Variants in ATP6V1H observed in about 807,000 individuals in gnomAD.
ATP6V1H encodes the protein V-type proton ATPase subunit H.
Under a neutral mutation model 71.7 loss-of-function variants are expected in ATP6V1H, and 39 were observed. The observed-to-expected ratio is 0.54, with a 90% CI of 0.42 to 0.71. ATP6V1H has a LOEUF of 0.71. Ranked by LOEUF, ATP6V1H falls within the 30% of genes least tolerant of loss-of-function variation. The pLI, the probability that ATP6V1H is intolerant of heterozygous loss-of-function variation, is 0.00. For synonymous variants in ATP6V1H, 192 were observed against 199.3 expected (o/e 0.96, Z 0.31); for missense variants, 509 against 594.9 (o/e 0.86, Z 1.50).
At chr8:53,787,333 A>AT (rs1388730209) in intron 9 of ATP6V1H, among the ~76,000 whole-genome samples, 1 of 152,240 alleles carries the variant, frequency 6.6e-6, no homozygotes, top group Non-Finnish European at 1.5e-5. Context: ...CTTCATGGCA[A>AT]TATTTCCATG....
chr8:53,786,877 A>C (rs949232559), intron 9 of ATP6V1H, among the ~76,000 whole-genome samples: 1 of 152,248 alleles, frequency 6.6e-6, no homozygotes, highest in Non-Finnish European at 1.5e-5. Flanking sequence ...TGTAAAATAT[A>C]TGTGAAAGCA....
chr8:53,782,153 T>C (rs967306385), intron 9 of ATP6V1H, among the ~76,000 whole-genome samples: 6 of 152,200 alleles, frequency 3.9e-5, no homozygotes, highest in African/African-American at 7.2e-5. Flanking sequence ...TTTCACGATA[T>C]TGATTCTTCC....
rs1552147 is a variant in ATP6V1H, at chr8:53,761,558, T to C, written c.1176-4902A>G. Among the ~76,000 whole-genome samples, 791 of 152,298 alleles carry C rather than the reference T, an allele frequency of 5.2e-3. 22 individuals are homozygous for C. Among genetic ancestry groups the C allele is most frequent in the Admixed American group, 0.044 (666 of 15,302 alleles). On this transcript the variant is annotated intron_variant, in intron 11 of 13. Coordinates refer to ENST00000359530, the MANE Select transcript of ATP6V1H (RefSeq NM_015941.4). ...ACTTGTAAAACGTTCCCCTCCACTA[T>C]ATTCAAGTTTTCTAAACACTAGATT... is the stretch of plus-strand genomic sequence containing the variant.
chr8:53,815,218 T>C (rs1644192486), intron 5 of ATP6V1H, among the ~76,000 whole-genome samples: 1 of 152,184 alleles, frequency 6.6e-6, no homozygotes, highest in Non-Finnish European at 1.5e-5. Context: ...CTTAGGATAA[T>C]ATACATCCTA....
intron 12 of ATP6V1H, among the ~76,000 whole-genome samples, chr8:53,756,036 C>T (rs113140763): frequency 0.14 from 19,620 of 139,628 alleles, 2,272 homozygotes; most frequent in East Asian, 0.36. Context: ...GGATTACAGG[C>T]GTGATATATT....
rs141766840 is a variant in ATP6V1H at position 53,725,004 on chromosome 8, A to C, written c.1392-8980T>G. ...AATAAATCTAGACATATGACAATAG[A>C]ACTAATATTTTTTCCCAAATATTGG... On this transcript the variant is annotated intron_variant, in intron 13 of 13. Transcript: ENST00000359530. Among the ~76,000 whole-genome samples, 3 of 152,300 alleles carry C rather than the reference A, an allele frequency of 2.0e-5. No homozygotes were observed. In the East Asian group the frequency reaches 5.8e-4, roughly 29 times the overall value.
chr8:53,795,601 A>G, intron 9 of ATP6V1H, 46 bp downstream of exon 9: 1 of 1,563,904 alleles, frequency 6.4e-7, no homozygotes. Context: ...TATACTGCAC[A>G]GTGAAAAATG....
At chr8:53,802,429 A>G (rs1238338266) in intron 7 of ATP6V1H, among the ~76,000 whole-genome samples, 1 of 152,200 alleles carries the variant, frequency 6.6e-6, no homozygotes, top group Admixed American at 6.5e-5. Flanking sequence ...TTTAAGAAAA[A>G]TAATTTAGGC....
chr8:53,719,925 T>C (rs908234718), intron 13 of ATP6V1H, among the ~76,000 whole-genome samples: 4 of 152,138 alleles, frequency 2.6e-5, no homozygotes, highest in Admixed American at 1.3e-4. Flanking sequence ...CAAGTGGGTG[T>C]GAAAAATTTC....
At chr8:53,833,849 T>A (rs902461825) in intron 2 of ATP6V1H, among the ~76,000 whole-genome samples, 1 of 152,132 alleles carries the variant, frequency 6.6e-6, no homozygotes, top group Non-Finnish European at 1.5e-5. Flanking sequence ...GTTCCTGTCA[T>A]CTTCCCTGTC....
At chr8:53,771,966 G>A (rs763118321) in intron 10 of ATP6V1H, 23 bp downstream of exon 10, 7 of 1,596,832 alleles carry the variant, frequency 4.4e-6, no homozygotes, top group Non-Finnish European at 5.1e-6. Context: ...TCCAGCACAT[G>A]AGAATTAAAA....
At chr8:53,802,362 T>C (rs898939901) in intron 7 of ATP6V1H, among the ~76,000 whole-genome samples, 8 of 152,218 alleles carry the variant, frequency 5.3e-5, no homozygotes, top group Non-Finnish European at 8.8e-5. Context: ...TTTTTCAATA[T>C]GAAATTTCTT....
At chr8:53,751,849 T>C (rs1186818458) in intron 12 of ATP6V1H, among the ~76,000 whole-genome samples, 1 of 152,104 alleles carries the variant, frequency 6.6e-6, no homozygotes, top group Non-Finnish European at 1.5e-5. Context: ...TTTGTATTTT[T>C]AGTAGAGACG....
intron 9 of ATP6V1H, among the ~76,000 whole-genome samples, chr8:53,793,027 T>C (rs557329722): frequency 2.5e-4 from 38 of 152,286 alleles, no homozygotes; most frequent in African/African-American, 7.9e-4. Context: ...AAGCTCTCAA[T>C]AGACATTAGC....
At chr8:53,749,442 C>T (rs1807717986) in intron 12 of ATP6V1H, among the ~76,000 whole-genome samples, 1 of 152,134 alleles carries the variant, frequency 6.6e-6, no homozygotes, top group African/African-American at 2.4e-5. Context: ...GCTGTTTCAG[C>T]TCGGCCCTTG....
chr8:53,838,806 G>C (rs1401645318), intron 2 of ATP6V1H, among the ~76,000 whole-genome samples: 2 of 152,148 alleles, frequency 1.3e-5, no homozygotes, highest in Non-Finnish European at 2.9e-5. Context: ...AAGAACAAAA[G>C]CATATTGGGC....
chr8:53,718,399 T>C (rs1275985609), intron 13 of ATP6V1H, among the ~76,000 whole-genome samples: 1 of 151,004 alleles, frequency 6.6e-6, no homozygotes, highest in Admixed American at 6.6e-5. Flanking sequence ...TTTTTTTTTT[T>C]TTTTTTTGAG....
At chr8:53,744,405 G>C (rs1475264549) in intron 12 of ATP6V1H, among the ~76,000 whole-genome samples, 1 of 152,082 alleles carries the variant, frequency 6.6e-6, no homozygotes, top group African/African-American at 2.4e-5. Context: ...ATAGAAATTG[G>C]TCCTCTGTTT....
intron 3 of ATP6V1H, 110 bp downstream of exon 3, chr8:53,832,874 C>T (rs1286176932): frequency 2.3e-5 from 15 of 651,710 alleles, no homozygotes; most frequent in Middle Eastern, 6.5e-4. Flanking sequence ...CTCAATATAA[C>T]GTTCTTTCCA....
Sources: gnomAD v4.1 joint callset for allele counts (sites outside exome capture counted in the v4.1 genomes callset) on GRCh38, gnomAD v4.1.1 for gene constraint, MANE v1.5 for transcripts, NCBI Gene and HGNC (gene_info 2026-07-23, HGNC 2026-07-21) for gene names.